PTPRK: variants seen among roughly 807,000 people sequenced by gnomAD.
PTPRK encodes the protein protein tyrosine phosphatase receptor type K, also known as receptor-type tyrosine-protein phosphatase kappa.
A neutral mutation model predicts 178.0 loss-of-function variants in PTPRK; 75 were observed. That is an observed-to-expected ratio of 0.42 (90% CI 0.35 to 0.51). The LOEUF is 0.51. PTPRK is among the 20% of genes least tolerant of loss of function. PTPRK has a pLI of 0.02. For missense variants in PTPRK, 1,441 were observed against 1,797.8 expected (o/e 0.80, Z 3.59); for synonymous variants, 637 against 620.6 (o/e 1.03, Z -0.39).
intron 2 of PTPRK, among the ~76,000 whole-genome samples, chr6:128,386,944 T>C (rs1033624609): frequency 2.0e-5 from 3 of 152,112 alleles, no homozygotes; most frequent in Non-Finnish European, 4.4e-5. Flanking sequence ...GGTGCATGCC[T>C]GTAATCCCAG....
At chr6:128,139,887 AT>A (rs141822889) in intron 7 of PTPRK, among the ~76,000 whole-genome samples, 66 of 151,112 alleles carry the variant, frequency 4.4e-4, no homozygotes, top group African/African-American at 1.4e-3. Context: ...CACTAGCAAC[AT>A]TTTTTTTTAA....
chr6:128,068,728 T>C (rs962859630), intron 11 of PTPRK, among the ~76,000 whole-genome samples: 1 of 150,886 alleles, frequency 6.6e-6, no homozygotes, highest in African/African-American at 2.4e-5. Context: ...GTTGACATTA[T>C]TATTATAATA....
At chr6:128,473,590 A>AT (rs1851008282) in intron 1 of PTPRK, among the ~76,000 whole-genome samples, 1 of 151,900 alleles carries the variant, frequency 6.6e-6, no homozygotes, top group Admixed American at 6.6e-5. Flanking sequence ...TTCCTAATTG[A>AT]TTTTTACGAT....
At chr6:128,261,622 T>C (rs1277140816) in intron 3 of PTPRK, among the ~76,000 whole-genome samples, 2 of 152,206 alleles carry the variant, frequency 1.3e-5, no homozygotes, top group Non-Finnish European at 1.5e-5. Context: ...GTTCTGTATC[T>C]GTCTACATAG....
intron 7 of PTPRK, among the ~76,000 whole-genome samples, chr6:128,116,115 C>T (rs1252192047): frequency 6.6e-6 from 1 of 152,062 alleles, no homozygotes; most frequent in Non-Finnish European, 1.5e-5. Flanking sequence ...CTTGATACTC[C>T]TAATTATATC....
intron 18 of PTPRK, among the ~76,000 whole-genome samples, chr6:127,993,754 T>C (rs1776854051): frequency 6.6e-6 from 1 of 151,612 alleles, no homozygotes; most frequent in Non-Finnish European, 1.5e-5. Flanking sequence ...TTAAAAAAAA[T>C]ACCAATTGCA....
At chr6:128,001,333 A>G in intron 15 of PTPRK, 1 of 575,012 alleles carries the variant, frequency 1.7e-6, no homozygotes, top group Non-Finnish European at 2.9e-6. Context: ...CAGAAACTGC[A>G]TTATAAATAC....
intron 2 of PTPRK, among the ~76,000 whole-genome samples, chr6:128,368,924 AC>A (rs1425879489): frequency 6.7e-6 from 1 of 148,376 alleles, no homozygotes; most frequent in Non-Finnish European, 1.5e-5. Context: ...ATTTAAAAAA[AC>A]AAAACAAAAC....
chr6:128,247,113 T>C (rs945867674), intron 3 of PTPRK, among the ~76,000 whole-genome samples: 7 of 152,200 alleles, frequency 4.6e-5, no homozygotes, highest in African/African-American at 1.7e-4. Flanking sequence ...TAGTCTCATC[T>C]TGACAATACT....
intron 2 of PTPRK, among the ~76,000 whole-genome samples, chr6:128,345,891 C>T (rs1160642024): frequency 6.6e-6 from 1 of 152,118 alleles, no homozygotes; most frequent in Non-Finnish European, 1.5e-5. Context: ...TATGTCTAAT[C>T]CTCAAAATAG....
intron 1 of PTPRK, among the ~76,000 whole-genome samples, chr6:128,436,223 GT>G (rs1408614484): frequency 6.6e-6 from 1 of 151,974 alleles, no homozygotes; most frequent in Non-Finnish European, 1.5e-5. Flanking sequence ...TTAAATTACA[GT>G]TTTAAATATT....
intron 25 of PTPRK, among the ~76,000 whole-genome samples, chr6:127,977,529 A>G (rs1310876567): frequency 6.6e-6 from 1 of 151,976 alleles, no homozygotes; most frequent in Non-Finnish European, 1.5e-5. Flanking sequence ...AAATTGTTTT[A>G]CTCTTCTCCA....
At chr6:128,056,410 A>AT (rs1779901835) in intron 13 of PTPRK, among the ~76,000 whole-genome samples, 1 of 150,370 alleles carries the variant, frequency 6.7e-6, no homozygotes, top group Non-Finnish European at 1.5e-5. Flanking sequence ...ATACCTGAAC[A>AT]TACCTGAAAT....
intron 13 of PTPRK, among the ~76,000 whole-genome samples, chr6:128,058,932 C>A (rs977791195): frequency 6.6e-6 from 1 of 151,732 alleles, no homozygotes; most frequent in African/African-American, 2.4e-5. Flanking sequence ...AAAAGGGTAC[C>A]TTTTCCCCTC....
At chr6:128,178,699 C>G (rs1801469551) in intron 7 of PTPRK, among the ~76,000 whole-genome samples, 1 of 147,012 alleles carries the variant, frequency 6.8e-6, no homozygotes, top group South Asian at 2.2e-4. Context: ...ATCTATCTAT[C>G]TATATGCATG....
At chr6:128,078,462 C>T (rs1784230710) in intron 11 of PTPRK, among the ~76,000 whole-genome samples, 1 of 151,944 alleles carries the variant, frequency 6.6e-6, no homozygotes, top group South Asian at 2.1e-4. Context: ...CCCAACCCTG[C>T]CTACCTAGTT....
At chr6:128,412,026 T>A (rs1175254606) in intron 1 of PTPRK, among the ~76,000 whole-genome samples, 2 of 152,250 alleles carry the variant, frequency 1.3e-5, no homozygotes, top group African/African-American at 4.8e-5. Flanking sequence ...AATAATACTG[T>A]TTGTTTTCCT....
At position 128,264,327 on chromosome 6, in the gene PTPRK, A is replaced by G. The variant is rs149480426; in HGVS notation, c.496-21725T>C. On this transcript the variant is annotated intron_variant, in intron 3 of 29. Coordinates refer to ENST00000368226, the MANE Select transcript of PTPRK (RefSeq NM_002844.4). ...TTTTAAATATTGATATCAGATACAC[A>G]GTAATACATGCAGTTCTGTTACTTC... 6.6e-3 allele frequency among the ~76,000 whole-genome samples: 1,011 copies of G among 152,326 alleles called. 3 individuals carry two copies. Among genetic ancestry groups the G allele is most frequent in the Middle Eastern group, 0.02 (6 of 294 alleles).
At chr6:128,322,381 T>A in intron 2 of PTPRK, 71 bp from the exon 3 acceptor site, 1 of 1,389,794 alleles carries the variant, frequency 7.2e-7, no homozygotes, top group Non-Finnish European at 1.0e-6. Flanking sequence ...AATAAAAATA[T>A]GCTAATCCAT....
Sources: allele counts gnomAD v4.1 joint callset (sites outside exome capture counted in the v4.1 genomes callset), GRCh38; gene constraint gnomAD v4.1.1; transcripts MANE v1.5; gene names NCBI Gene and HGNC (gene_info 2026-07-23, HGNC 2026-07-21).